Variants in ANO4 observed in about 807,000 individuals in gnomAD.
The protein encoded by ANO4 is anoctamin 4, also known as anoctamin-4.
Under a neutral mutation model 141.9 loss-of-function variants are expected in ANO4, and 69 were observed. The observed-to-expected ratio is 0.49, with a 90% CI of 0.40 to 0.59. The LOEUF (loss-of-function observed/expected upper bound fraction) is 0.59. ANO4 is among the 20% of genes least tolerant of loss of function. The pLI is 0.00. For missense variants in ANO4, 894 were observed against 1,162.2 expected (o/e 0.77, Z 3.36); for synonymous variants, 350 against 394.3 (o/e 0.89, Z 1.33).
At chr12:100,881,415 G>C (rs201942837) in intron 1 of ANO4, among the ~76,000 whole-genome samples, 8 of 104,118 alleles carry the variant, frequency 7.7e-5, no homozygotes, top group African/African-American at 2.5e-4. Flanking sequence ...TAATAAAACT[G>C]TTTTTATCTT....
At chr12:101,107,547 A>AAT (rs2050497873) in intron 22 of ANO4, among the ~76,000 whole-genome samples, 1 of 104,908 alleles carries the variant, frequency 9.5e-6, no homozygotes, top group African/African-American at 6.7e-5. Flanking sequence ...AGTCATAGCA[A>AAT]CACTGCATAT....
chr12:100,849,037 C>T (rs1293239847), intron 1 of ANO4, among the ~76,000 whole-genome samples: 1 of 152,170 alleles, frequency 6.6e-6, no homozygotes, highest in Non-Finnish European at 1.5e-5. Flanking sequence ...ACTTTGTAGG[C>T]CTCGTGCACG....
At chr12:100,935,323 G>A (rs2042241490) in intron 3 of ANO4, among the ~76,000 whole-genome samples, 1 of 152,064 alleles carries the variant, frequency 6.6e-6, no homozygotes, top group African/African-American at 2.4e-5. Flanking sequence ...TTTTGTTGAA[G>A]GCCTTTTCTG....
At chr12:100,857,884 A>G (rs1188192729) in intron 1 of ANO4, among the ~76,000 whole-genome samples, 1 of 152,178 alleles carries the variant, frequency 6.6e-6, no homozygotes, top group East Asian at 1.9e-4. Flanking sequence ...CCAAACCACC[A>G]AAGATAATAT....
At chr12:100,815,164 G>T (rs1470999045) in intron 1 of ANO4, among the ~76,000 whole-genome samples, 1 of 152,116 alleles carries the variant, frequency 6.6e-6, no homozygotes, top group Non-Finnish European at 1.5e-5. Context: ...AGTGCTTAGA[G>T]ATTAGACAGA....
At chr12:100,717,778 G>A (rs563833803) in intron 1 of ANO4, among the ~76,000 whole-genome samples, 29 of 152,346 alleles carry the variant, frequency 1.9e-4, no homozygotes, top group South Asian at 4.1e-4. Flanking sequence ...AAATTTGGGA[G>A]GATCTGGGAG....
intron 5 of ANO4, among the ~76,000 whole-genome samples, chr12:100,954,366 A>G (rs559163373): frequency 6.6e-6 from 1 of 152,286 alleles, no homozygotes; most frequent in South Asian, 2.1e-4. Context: ...GCCCTTCTGC[A>G]GCACATGATT....
At chr12:101,058,055 G>T (rs929030869) in intron 14 of ANO4, among the ~76,000 whole-genome samples, 1 of 152,046 alleles carries the variant, frequency 6.6e-6, no homozygotes, top group Non-Finnish European at 1.5e-5. Flanking sequence ...TGTAAGGAAG[G>T]GGTCCAATTT....
chr12:100,816,345 T>G (rs2035739949), intron 1 of ANO4, among the ~76,000 whole-genome samples: 1 of 152,014 alleles, frequency 6.6e-6, no homozygotes, highest in Non-Finnish European at 1.5e-5. Context: ...TTGGAGGGAA[T>G]GATTCTCTGA....
intron 4 of ANO4, among the ~76,000 whole-genome samples, chr12:100,941,887 C>A (rs1347853311): frequency 6.6e-6 from 1 of 151,366 alleles, no homozygotes; most frequent in Non-Finnish European, 1.5e-5. Flanking sequence ...AATGCTTCTT[C>A]CAATTTTTAT....
chr12:100,747,595 C>T (rs1035431054), intron 3 of ANO4, among the ~76,000 whole-genome samples: 1 of 152,226 alleles, frequency 6.6e-6, no homozygotes, highest in Non-Finnish European at 1.5e-5. Context: ...GAACACTAGG[C>T]TGGGTGTGGT....
At chr12:100,773,181 C>T (rs1336620112) in intron 3 of ANO4, among the ~76,000 whole-genome samples, 1 of 152,208 alleles carries the variant, frequency 6.6e-6, no homozygotes, top group Non-Finnish European at 1.5e-5. Context: ...GGTGTCCTCA[C>T]ATGGTAGATG....
At chr12:101,006,934 T>G (rs908863641) in intron 8 of ANO4, among the ~76,000 whole-genome samples, 3 of 152,178 alleles carry the variant, frequency 2.0e-5, no homozygotes, top group African/African-American at 7.2e-5. Context: ...CACCAGTGCA[T>G]TTTTGTATGT....
At chr12:100,873,651 C>T (rs1186293307) in intron 1 of ANO4, among the ~76,000 whole-genome samples, 2 of 152,114 alleles carry the variant, frequency 1.3e-5, no homozygotes, top group Admixed American at 1.3e-4. Flanking sequence ...CAAGAAATGA[C>T]CTGGTACTGG....
chr12:100,744,137 T>C (rs1221345697), intron 3 of ANO4, among the ~76,000 whole-genome samples: 1 of 152,210 alleles, frequency 6.6e-6, no homozygotes, highest in Non-Finnish European at 1.5e-5. Context: ...TATAAGTGCC[T>C]ACTGGAACTT....
chr12:100,834,231 A>G (rs745802191), intron 1 of ANO4, among the ~76,000 whole-genome samples: 12 of 152,116 alleles, frequency 7.9e-5, no homozygotes, highest in Non-Finnish European at 1.5e-4. Context: ...AGACTGTGTG[A>G]TGGGTTCAGC....
intron 3 of ANO4, among the ~76,000 whole-genome samples, chr12:100,752,789 T>C (rs1350405451): frequency 6.6e-6 from 1 of 152,184 alleles, no homozygotes; most frequent in Admixed American, 6.5e-5. Flanking sequence ...CTGGAGTCAG[T>C]GAAGAACTGT....
At chr12:101,048,180 C>T (rs1007948058) in intron 13 of ANO4, 161 bp from the exon 14 acceptor site, 6 of 1,040,604 alleles carry the variant, frequency 5.8e-6, no homozygotes, top group Admixed American at 2.9e-5. Flanking sequence ...TTAGAGGAAG[C>T]CTTTTCTTAT....
At chr12:100,733,548 G>A (rs1318346598) in intron 1 of ANO4, among the ~76,000 whole-genome samples, 2 of 152,176 alleles carry the variant, frequency 1.3e-5, no homozygotes, top group African/African-American at 2.4e-5. Flanking sequence ...GCAATTGCCT[G>A]TGTGTAGCTG....
Sources: gnomAD v4.1 joint callset for allele counts (sites outside exome capture counted in the v4.1 genomes callset) on GRCh38, gnomAD v4.1.1 for gene constraint, MANE v1.5 for transcripts, NCBI Gene and HGNC (gene_info 2026-07-23, HGNC 2026-07-21) for gene names.